SNTG1: variants seen among roughly 807,000 people sequenced by gnomAD.
SNTG1 encodes the protein gamma-1-syntrophin.
Under a neutral mutation model 74.7 loss-of-function variants are expected in SNTG1, and 39 were observed. The ratio of observed to expected loss-of-function variants is 0.52; its 90% CI spans 0.40 to 0.68. The LOEUF (loss-of-function observed/expected upper bound fraction) is 0.68, where lower values mean the gene tolerates loss of function less well. Ranked by LOEUF, SNTG1 falls within the 30% of genes least tolerant of loss-of-function variation. SNTG1 has a pLI of 0.00. For missense variants in SNTG1, 685 were observed against 609.5 expected (o/e 1.12, Z -1.30); for synonymous variants, 254 against 217.1 (o/e 1.17, Z -1.49).
chr8:50,413,710 A>T (rs2092979557), intron 4 of SNTG1, among the ~76,000 whole-genome samples: 1 of 152,206 alleles, frequency 6.6e-6, no homozygotes, highest in African/African-American at 2.4e-5. Context: ...GATGGATGTT[A>T]GATCAGCTCC....
At chr8:50,618,985 C>T (rs1260967934) in intron 13 of SNTG1, among the ~76,000 whole-genome samples, 2 of 152,156 alleles carry the variant, frequency 1.3e-5, no homozygotes, top group South Asian at 2.1e-4. Context: ...AGGACAATCA[C>T]TATAAACATG....
intron 1 of SNTG1, among the ~76,000 whole-genome samples, chr8:49,987,194 T>C (rs1417837893): frequency 6.6e-6 from 1 of 152,188 alleles, no homozygotes; most frequent in Non-Finnish European, 1.5e-5. Flanking sequence ...ATGGTGAATA[T>C]GTAGTGAAAA....
At chr8:50,729,914 A>G (rs1246385670) in intron 17 of SNTG1, among the ~76,000 whole-genome samples, 2 of 152,146 alleles carry the variant, frequency 1.3e-5, no homozygotes, top group African/African-American at 4.8e-5. Context: ...TATGATGGGT[A>G]AAAAGGCAAA....
At chr8:50,403,073 T>C (rs2092826983) in intron 4 of SNTG1, among the ~76,000 whole-genome samples, 1 of 152,242 alleles carries the variant, frequency 6.6e-6, no homozygotes, top group Admixed American at 6.5e-5. Context: ...ATTCATTGTA[T>C]AATAATGCTA....
In SNTG1 at chr8:49,990,189, T is replaced by G. The variant is rs538652568; in HGVS notation, c.-103+77958T>G. Reference sequence around the variant, plus strand: ...GATCTTGTACATAGAAAATCATAAATTCACCAACATTTATTAAAACTTATA... The same window carrying G: ...GATCTTGTACATAGAAAATCATAAAGTCACCAACATTTATTAAAACTTATA... On this transcript the variant is annotated intron_variant, in intron 1 of 18. Transcript: ENST00000642720. Among the ~76,000 whole-genome samples, 74 of 152,074 alleles carry G rather than the reference T, an allele frequency of 4.9e-4. 3 individuals are homozygous for G. In the South Asian group the frequency reaches 0.015, roughly 31 times the overall value.
At chr8:50,632,327 T>C (rs564877396) in intron 13 of SNTG1, among the ~76,000 whole-genome samples, 11 of 151,468 alleles carry the variant, frequency 7.3e-5, no homozygotes, top group Admixed American at 2.6e-4. Context: ...ATTTATTTAT[T>C]TGAGAGAGGG....
intron 2 of SNTG1, among the ~76,000 whole-genome samples, chr8:50,185,606 G>A (rs1275038770): frequency 6.6e-6 from 1 of 152,130 alleles, no homozygotes; most frequent in Non-Finnish European, 1.5e-5. Context: ...TGTGAAAACT[G>A]CTTAAGGTCA....
At chr8:50,584,932 C>G (rs1414507115) in intron 12 of SNTG1, among the ~76,000 whole-genome samples, 20 of 152,040 alleles carry the variant, frequency 1.3e-4, no homozygotes, top group Admixed American at 1.2e-3. Flanking sequence ...TTCTCTCTGC[C>G]TGGAAAGCCC....
rs561858328 is a variant in SNTG1 at position 49,957,541 on chromosome 8, G to A, written c.-103+45310G>A. 3.3e-5 allele frequency among the ~76,000 whole-genome samples: 5 copies of A among 152,298 alleles called. No individual in the cohort carries two copies. In the South Asian group the frequency reaches 1.0e-3, roughly 32 times the overall value. On this transcript the variant is annotated intron_variant, in intron 1 of 18. Coordinates refer to ENST00000642720, the MANE Select transcript of SNTG1 (RefSeq NM_018967.5). Reference sequence around the variant, plus strand: ...CACACACCAGATGAGTGACAAGCAGGCAGAATGTTTGGGAAGGATAGTCCA... The same window carrying A: ...CACACACCAGATGAGTGACAAGCAGACAGAATGTTTGGGAAGGATAGTCCA...
At chr8:50,158,182 G>C (rs936392474) in intron 1 of SNTG1, among the ~76,000 whole-genome samples, 6 of 152,074 alleles carry the variant, frequency 3.9e-5, no homozygotes, top group Non-Finnish European at 8.8e-5. Flanking sequence ...ATCAGGTTCA[G>C]ATTATGGTAG....
At chr8:50,212,867 A>G (rs2084588219) in intron 2 of SNTG1, among the ~76,000 whole-genome samples, 1 of 152,192 alleles carries the variant, frequency 6.6e-6, no homozygotes, top group African/African-American at 2.4e-5. Flanking sequence ...ACCAATTTGA[A>G]TAGAAGTTTT....
At chr8:50,291,381 G>A (rs1435904802) in intron 2 of SNTG1, among the ~76,000 whole-genome samples, 1 of 152,008 alleles carries the variant, frequency 6.6e-6, no homozygotes, top group African/African-American at 2.4e-5. Context: ...CTTCTCCAAG[G>A]AGGGTTATTT....
intron 8 of SNTG1, among the ~76,000 whole-genome samples, chr8:50,479,710 C>G (rs2093724839): frequency 6.6e-6 from 1 of 152,020 alleles, no homozygotes; most frequent in African/African-American, 2.4e-5. Context: ...CCTGTGCCTT[C>G]CTCCTCTTCA....
intron 8 of SNTG1, among the ~76,000 whole-genome samples, chr8:50,459,095 A>T (rs1388103705): frequency 6.6e-6 from 1 of 152,156 alleles, no homozygotes; most frequent in African/African-American, 2.4e-5. Flanking sequence ...ACTTTCGTAT[A>T]CAGTAAGGTA....
At chr8:49,959,871 C>G (rs4873400) in intron 1 of SNTG1, among the ~76,000 whole-genome samples, 2,178 of 152,278 alleles carry the variant, frequency 0.014, 119 homozygotes, top group South Asian at 0.13. Flanking sequence ...ATGAATGTTA[C>G]TGAAGTCCAT....
chr8:50,438,543 GA>G lies in SNTG1; in HGVS notation c.166del (p.Arg56GlufsTer3), dbSNP rs746400804. On this transcript the variant is annotated frameshift_variant and splice_region_variant, in exon 5 of 19. Transcript: ENST00000642720. LOFTEE classifies it high-confidence loss of function. The stretch of plus-strand genomic sequence containing the variant: ...CATTCTTAAAAATCCTGTCTTTCAG[GA>G]AAGAACGGTGACCATCAGAAGACAA... ...CVSGEPFYSG[E>X]RTVTIRRQTV... 1 of 1,612,850 alleles carries G rather than the reference GA, an allele frequency of 6.2e-7. No individual in the cohort carries two copies. Among genetic ancestry groups the G allele is most frequent in the Non-Finnish European group, 8.5e-7 (1 of 1,179,284 alleles).
chr8:50,413,998 A>G (rs1183630900), intron 4 of SNTG1, among the ~76,000 whole-genome samples: 2 of 152,178 alleles, frequency 1.3e-5, no homozygotes, highest in Non-Finnish European at 2.9e-5. Flanking sequence ...ATCTTGTTAG[A>G]CAATCCTATT....
chr8:50,705,534 G>A (rs913075528), intron 16 of SNTG1, among the ~76,000 whole-genome samples: 2 of 152,024 alleles, frequency 1.3e-5, no homozygotes, highest in Admixed American at 6.6e-5. Flanking sequence ...CTTATTTATA[G>A]CAGCATCTAT....
chr8:50,568,227 T>TTGTGTGTGTGTGTGTG lies in SNTG1; in HGVS notation c.810+15059_810+15074dup, dbSNP rs1554576692. Among the ~76,000 whole-genome samples the TTGTGTGTGTGTGTGTG allele has an allele frequency of 9.6e-5, 14 of 146,280 alleles. No individual in the cohort carries two copies. The East Asian group carries it at 1.0e-3, about 11-fold the overall frequency. On this transcript the variant is annotated intron_variant, in intron 12 of 18. Transcript: ENST00000642720. ...CTGAATAGTATTCCATTGTCCATGT[T>TTGTGTGTGTGTGTGTG]TGTGTGTGTGTGTGTGTGTGTGTGT...
Sources: allele counts gnomAD v4.1 joint callset (sites outside exome capture counted in the v4.1 genomes callset), GRCh38; gene constraint gnomAD v4.1.1; transcripts MANE v1.5; gene names NCBI Gene and HGNC (gene_info 2026-07-23, HGNC 2026-07-21).